The following MYRFL variants were observed in gnomAD, a reference collection of about 807,000 sequenced individuals.
MYRFL encodes myelin regulatory factor-like protein.
A neutral mutation model predicts 109.4 loss-of-function variants in MYRFL; 88 were observed. The observed-to-expected ratio is 0.80, with a 90% CI of 0.68 to 0.96. The LOEUF (loss-of-function observed/expected upper bound fraction) is 0.96. Among genes scored for constraint, MYRFL ranks in the 40% least tolerant of loss-of-function variants. The probability of loss-of-function intolerance (pLI) is 0.00; values close to 1 mark genes in which losing one functional copy is unlikely to be tolerated. For missense variants in MYRFL, 957 were observed against 954.9 expected (o/e 1.00, Z -0.03); for synonymous variants, 324 against 320.9 (o/e 1.01, Z -0.10).
At chr12:69,839,754 C>G (rs967885757) in intron 1 of MYRFL, among the ~76,000 whole-genome samples, 2 of 152,194 alleles carry the variant, frequency 1.3e-5, no homozygotes, top group African/African-American at 4.8e-5. Context: ...TAAGAGTTCA[C>G]TAAACTTACC....
At chr12:69,867,951 A>T (rs1885105383) in intron 2 of MYRFL, among the ~76,000 whole-genome samples, 1 of 152,206 alleles carries the variant, frequency 6.6e-6, no homozygotes, top group Admixed American at 6.5e-5. Flanking sequence ...GACCTATAAT[A>T]ATAAGTAATT....
chr12:69,831,325 C>G (rs935306142), intron 1 of MYRFL, among the ~76,000 whole-genome samples: 2 of 152,120 alleles, frequency 1.3e-5, no homozygotes, highest in African/African-American at 4.8e-5. Flanking sequence ...TGAATGGTTG[C>G]AATAGAGACC....
chr12:69,955,846 G>GAAAAAAAAAA (rs747692000), intron 22 of MYRFL, among the ~76,000 whole-genome samples: 1 of 98,012 alleles, frequency 1.0e-5, no homozygotes. Context: ...CCAAAAGACA[G>GAAAAAAAAAA]AAAAAAAAAA....
chr12:69,831,433 T>C (rs1324166778), intron 1 of MYRFL, among the ~76,000 whole-genome samples: 3 of 152,158 alleles, frequency 2.0e-5, no homozygotes, highest in Admixed American at 6.6e-5. Flanking sequence ...ATAACTGTTG[T>C]CAAGCACTTA....
chr12:69,884,837 T>C lies in MYRFL; in HGVS notation c.557-1983T>C, dbSNP rs1181120797. On this transcript the variant is annotated intron_variant, in intron 5 of 24. Coordinates refer to ENST00000552032, the MANE Select transcript of MYRFL (RefSeq NM_182530.3). Reference sequence around the variant, plus strand: ...TCTGCGTTTTACAGTCATGGCCTCATTGAAACCCTTCAACAACTCTGGAAG... The same window carrying C: ...TCTGCGTTTTACAGTCATGGCCTCACTGAAACCCTTCAACAACTCTGGAAG... Among the ~76,000 whole-genome samples, 148 of 152,332 alleles carry C rather than the reference T, an allele frequency of 9.7e-4. 3 individuals are homozygous for C. Among genetic ancestry groups the C allele is most frequent in the Admixed American group, 9.5e-3 (146 of 15,304 alleles).
At chr12:69,830,996 G>A (rs935362704) in intron 1 of MYRFL, among the ~76,000 whole-genome samples, 1 of 152,138 alleles carries the variant, frequency 6.6e-6, no homozygotes, top group Admixed American at 6.5e-5. Context: ...TCAATACATG[G>A]ACAATTGTGG....
At position 69,909,962 on chromosome 12, in the gene MYRFL, AAATT is replaced by A; in HGVS notation, c.1384-5_1384-2del. The A allele has an allele frequency of 6.6e-7, 1 of 1,517,878 alleles. No homozygotes were observed. Among genetic ancestry groups the A allele is most frequent in the South Asian group, 1.2e-5 (1 of 80,716 alleles). The allele number at this position is 1,517,878 out of a possible 1,614,324, so 94.0% of individuals were successfully genotyped here. On this transcript the variant is annotated splice_polypyrimidine_tract_variant and splice_region_variant and intron_variant, in intron 11 of 24. Transcript: ENST00000552032. ...GAGTAAAATCTGCTCTTCTTTAATTAAATTAGGTTGACACGAATGAACAGCTGAA... is the reference window on the plus strand; with the variant it reads ...GAGTAAAATCTGCTCTTCTTTAATTAAGGTTGACACGAATGAACAGCTGAA...
chr12:69,891,694 G>GTTCT (rs1311077631), intron 7 of MYRFL, among the ~76,000 whole-genome samples: 348 of 27,294 alleles, frequency 0.013, 10 homozygotes, highest in Middle Eastern at 0.021. Context: ...TCGTTCGTTC[G>GTTCT]TTCTTTCTTT....
At chr12:69,955,965 T>C (rs1057247348) in intron 22 of MYRFL, among the ~76,000 whole-genome samples, 1 of 152,170 alleles carries the variant, frequency 6.6e-6, no homozygotes, top group Non-Finnish European at 1.5e-5. Flanking sequence ...CTACTGTTTC[T>C]TTATCTGTAA....
chr12:69,880,918 G>A (rs972359618), intron 5 of MYRFL, among the ~76,000 whole-genome samples: 10 of 144,256 alleles, frequency 6.9e-5, no homozygotes, highest in African/African-American at 5.1e-5. Flanking sequence ...TCTTTCATCC[G>A]AGTCATCTAA....
intron 2 of MYRFL, among the ~76,000 whole-genome samples, chr12:69,875,161 T>C (rs1885586672): frequency 6.6e-6 from 1 of 151,266 alleles, no homozygotes; most frequent in Non-Finnish European, 1.5e-5. Flanking sequence ...CTCTGCAGGT[T>C]CATAAATCTC....
chr12:69,908,184 A>T (rs1954433556), intron 11 of MYRFL, among the ~76,000 whole-genome samples: 1 of 152,146 alleles, frequency 6.6e-6, no homozygotes, highest in Non-Finnish European at 1.5e-5. Context: ...AGCACCTACA[A>T]CATGCAAGGA....
intron 2 of MYRFL, among the ~76,000 whole-genome samples, chr12:69,877,086 C>G (rs566902394): frequency 6.9e-5 from 10 of 145,800 alleles, no homozygotes; most frequent in African/African-American, 2.6e-4. Flanking sequence ...TGCAGTGGCG[C>G]GATCTTGGCT....
intron 2 of MYRFL, among the ~76,000 whole-genome samples, chr12:69,876,570 G>T (rs1035608278): frequency 6.6e-6 from 1 of 152,080 alleles, no homozygotes; most frequent in African/African-American, 2.4e-5. Flanking sequence ...TTCTCAAAAT[G>T]TCTGGTCCTT....
intron 10 of MYRFL, 36 bp downstream of exon 10, chr12:69,897,282 T>G (rs1368629840): frequency 2.1e-6 from 3 of 1,437,854 alleles, no homozygotes; most frequent in Non-Finnish European, 2.8e-6. Flanking sequence ...GGATCTCACA[T>G]GCTTTCCTCC....
chr12:69,939,107 G>C (rs554838052), intron 19 of MYRFL, among the ~76,000 whole-genome samples: 59 of 152,332 alleles, frequency 3.9e-4, no homozygotes, highest in African/African-American at 1.1e-3. Context: ...CGGCAGCGAG[G>C]CTGGGGGAGG....
At position 69,914,884 on chromosome 12, in the gene MYRFL, A is replaced by G. The variant is rs73339435; in HGVS notation, c.1602+3954A>G. The stretch of plus-strand genomic sequence containing the variant: ...AAAAACAGGACCCTGGAGTGATGCA[A>G]TCTATGGAGATGTCACTAAGGCCAC... On this transcript the variant is annotated intron_variant, in intron 13 of 24. Coordinates refer to ENST00000552032, the MANE Select transcript of MYRFL (RefSeq NM_182530.3). 9.2e-3 allele frequency among the ~76,000 whole-genome samples: 1,397 copies of G among 152,246 alleles called. 21 individuals carry two copies. The highest frequency in any genetic ancestry group is 0.032 in the African/African-American group (1,329 of 41,544).
At chr12:69,914,227 A>G (rs1954663606) in intron 13 of MYRFL, among the ~76,000 whole-genome samples, 1 of 152,168 alleles carries the variant, frequency 6.6e-6, no homozygotes, top group African/African-American at 2.4e-5. Context: ...AAAATAAAAT[A>G]GGGCCTGTTT....
chr12:69,875,553 C>T (rs1885608033), intron 2 of MYRFL, among the ~76,000 whole-genome samples: 1 of 152,124 alleles, frequency 6.6e-6, no homozygotes, highest in Non-Finnish European at 1.5e-5. Context: ...TTTTCCAACC[C>T]CTGCCGGTGG....
Sources: allele counts gnomAD v4.1 joint callset (sites outside exome capture counted in the v4.1 genomes callset), GRCh38; gene constraint gnomAD v4.1.1; transcripts MANE v1.5; gene names NCBI Gene and HGNC (gene_info 2026-07-23, HGNC 2026-07-21).